The following SPARCL1 variants were observed in gnomAD, a reference collection of about 807,000 sequenced individuals.
The protein encoded by SPARCL1 is SPARC-like protein 1.
In SPARCL1, 52 loss-of-function variants were observed where a neutral mutation model predicts 67.1. That is an observed-to-expected ratio of 0.78 (90% confidence interval 0.62 to 0.98). The LOEUF is 0.98. Ranked by LOEUF, SPARCL1 falls within the 50% of genes least tolerant of loss-of-function variation. SPARCL1 has a pLI of 0.00. For missense variants in SPARCL1, 717 were observed against 782.4 expected (o/e 0.92, Z 1.00); for synonymous variants, 226 against 267.8 (o/e 0.84, Z 1.52).
intron 1 of SPARCL1, among the ~76,000 whole-genome samples, chr4:87,516,844 G>A (rs1725602045): frequency 6.6e-6 from 1 of 152,132 alleles, no homozygotes; most frequent in African/African-American, 2.4e-5. Context: ...TTGTGCAATA[G>A]CCACCTTTCA....
Position 87,494,186 on chromosome 4 carries a change from T to G in SPARCL1, c.614A>C (p.Glu205Ala), listed in dbSNP as rs1271299988. The G allele has an allele frequency of 1.9e-6, 3 of 1,614,064 alleles. No homozygotes were observed. The highest frequency in any genetic ancestry group is 2.5e-6 in the Non-Finnish European group (3 of 1,180,038). ...PNISNGEEEE[E>A]KEPGEVGTHN... ...GGTACCAACTTCACCTGGCTCTTTT[T>G]CTTCTTCCTCTTCTCCATTGGAAAT... The change falls in exon 4 of 11, where the codon GAA becomes GCA. Residue 205 changes from glutamate to alanine, a missense_variant. Coordinates refer to ENST00000282470, the MANE Select transcript of SPARCL1 (RefSeq NM_004684.6).
chr4:87,482,543 C>T lies in SPARCL1; in HGVS notation c.1549G>A (p.Asp517Asn). ...GACKSIPTCT[D>N]FEVIQFPLRM... ...AGAGGAAACTGAATCACTTCAAAGT[C>T]CGTACAAGTAGGAATAGCTGTTACA... The change falls in exon 8 of 11, where the codon GAC (aspartate) becomes AAC (asparagine). Residue 517 changes from aspartate (D) to asparagine (N), a missense_variant. Asp to Asn is a conservative substitution (Grantham distance 23). Transcript: ENST00000282470. 1 of 1,613,948 alleles carries T rather than the reference C, an allele frequency of 6.2e-7. No individual in the cohort carries two copies. Among genetic ancestry groups the T allele is most frequent in the Non-Finnish European group, 8.5e-7 (1 of 1,179,902 alleles).
At chr4:87,499,118 C>T (rs574440582) in intron 2 of SPARCL1, among the ~76,000 whole-genome samples, 3 of 152,214 alleles carry the variant, frequency 2.0e-5, no homozygotes, top group African/African-American at 2.4e-5. Context: ...TCAGGTGATC[C>T]GCCCATCTCA....
Position 87,493,688 on chromosome 4 carries a change from G to A in SPARCL1, c.1112C>T (p.Ala371Val). Residue 371 changes from alanine to valine, a missense_variant, in exon 4 of 11, where the codon GCC (alanine) becomes GTC (valine). Coordinates refer to ENST00000282470, the MANE Select transcript of SPARCL1 (RefSeq NM_004684.6). ...ATAGGCAATGGATTGAGCTCTCTCGGCCTCCAGAAAGGCCTGGCTTGGGAT... is the reference window on the plus strand; with the variant it reads ...ATAGGCAATGGATTGAGCTCTCTCGACCTCCAGAAAGGCCTGGCTTGGGAT... ...YFIPSQAFLE[A>V]ERAQSIAYHL... 3.7e-6 allele frequency: 6 copies of A among 1,614,046 alleles called. No homozygotes were observed. Among genetic ancestry groups the A allele is most frequent in the Non-Finnish European group, 3.4e-6 (4 of 1,180,022 alleles).
chr4:87,493,513 G>A, intron 4 of SPARCL1, 69 bp downstream of exon 4: 1 of 1,406,610 alleles, frequency 7.1e-7, no homozygotes, highest in Non-Finnish European at 9.7e-7. Context: ...TGAGAGCACA[G>A]AGAAAGGTCA....
intron 1 of SPARCL1, among the ~76,000 whole-genome samples, chr4:87,516,892 A>T (rs1364599020): frequency 1.3e-5 from 2 of 152,106 alleles, no homozygotes; most frequent in African/African-American, 4.8e-5. Context: ...TTCTCGTCTT[A>T]TCATACCACT....
At chr4:87,518,012 T>G (rs527816361) in intron 1 of SPARCL1, among the ~76,000 whole-genome samples, 1 of 152,336 alleles carries the variant, frequency 6.6e-6, no homozygotes, top group African/African-American at 2.4e-5. Context: ...GCTTCTCATG[T>G]ACCTTGGTGA....
Position 87,491,620 on chromosome 4 carries a change from A to G in SPARCL1, c.1289T>C (p.Val430Ala). 1.2e-6 allele frequency: 2 copies of G among 1,609,276 alleles called. No individual in the cohort carries two copies. The highest frequency in any genetic ancestry group is 8.5e-7 in the Non-Finnish European group (1 of 1,175,736). Residue 430 changes from valine (V) to alanine (A), a missense_variant and splice_region_variant, in exon 5 of 11, where the codon GTG (valine) becomes GCG (alanine). Val to Ala is a moderately conservative substitution (Grantham distance 64). Transcript: ENST00000282470. ...CAGCTTGCTTCATGCATACTCACCCACAGCATGCACCCTCATGTTGCCTTC... is the reference window on the plus strand; with the variant it reads ...CAGCTTGCTTCATGCATACTCACCCGCAGCATGCACCCTCATGTTGCCTTC... ...SSEGNMRVHA[V>A]DSCMSFQCKR...
intron 7 of SPARCL1, among the ~76,000 whole-genome samples, chr4:87,488,322 G>A (rs1175513916): frequency 2.0e-5 from 3 of 152,078 alleles, no homozygotes; most frequent in Non-Finnish European, 4.4e-5. Flanking sequence ...ATTCCTTTCT[G>A]TTCATTAGTT....
At chr4:87,482,671 T>G (rs6857504) in intron 7 of SPARCL1, 111 bp from the exon 8 acceptor site, 469,657 of 1,150,186 alleles carry the variant, frequency 0.41, 105,081 homozygotes, top group African/African-American at 0.81. Flanking sequence ...CTTTCTCAGG[T>G]CCCCATTATT....
intron 10 of SPARCL1, among the ~76,000 whole-genome samples, chr4:87,477,925 T>C (rs1331085211): frequency 6.6e-6 from 1 of 152,228 alleles, no homozygotes; most frequent in Admixed American, 6.5e-5. Flanking sequence ...CACAGAATGT[T>C]TATTTCACAG....
chr4:87,489,285 G>A (rs1724207004), intron 7 of SPARCL1, among the ~76,000 whole-genome samples: 1 of 152,146 alleles, frequency 6.6e-6, no homozygotes, highest in Non-Finnish European at 1.5e-5. Context: ...TAGTATCTGG[G>A]CCAGAATGCA....
At chr4:87,527,048 A>G (rs1726072917) in intron 1 of SPARCL1, among the ~76,000 whole-genome samples, 1 of 152,218 alleles carries the variant, frequency 6.6e-6, no homozygotes, top group Non-Finnish European at 1.5e-5. Flanking sequence ...GGTCAGATAT[A>G]AACCACAGGT....
intron 5 of SPARCL1, 42 bp from the exon 6 acceptor site, chr4:87,490,920 T>C (rs1451107388): frequency 7.0e-6 from 8 of 1,140,778 alleles, no homozygotes; most frequent in Admixed American, 2.2e-5. Flanking sequence ...CAAAGTTAAA[T>C]TGAGTATGTA....
chr4:87,499,934 G>A (rs928967165), intron 1 of SPARCL1, among the ~76,000 whole-genome samples: 8 of 152,034 alleles, frequency 5.3e-5, no homozygotes, highest in African/African-American at 1.7e-4. Flanking sequence ...GTAAAAACAC[G>A]CTGCCTGTTT....
chr4:87,496,346 C>T (rs1247400928), intron 2 of SPARCL1, among the ~76,000 whole-genome samples: 2 of 152,092 alleles, frequency 1.3e-5, no homozygotes, highest in Admixed American at 6.5e-5. Flanking sequence ...CTTCAGCCTC[C>T]CCAGTAACTG....
At chr4:87,483,662 ACT>A (rs1285610213) in intron 7 of SPARCL1, among the ~76,000 whole-genome samples, 1 of 152,214 alleles carries the variant, frequency 6.6e-6, no homozygotes, top group African/African-American at 2.4e-5. Context: ...GAATTGCCAC[ACT>A]GTCTTCCACA....
At chr4:87,513,713 C>T (rs1268224176) in intron 1 of SPARCL1, among the ~76,000 whole-genome samples, 1 of 152,076 alleles carries the variant, frequency 6.6e-6, no homozygotes, top group East Asian at 1.9e-4. Context: ...GGAAAAGAAC[C>T]TTAGTGTTTC....
chr4:87,498,088 A>G (rs1724695626), intron 2 of SPARCL1, among the ~76,000 whole-genome samples: 1 of 152,214 alleles, frequency 6.6e-6, no homozygotes, highest in East Asian at 1.9e-4. Flanking sequence ...TTATTTACAT[A>G]ACAGCAACAG....
Sources: allele counts gnomAD v4.1 joint callset (sites outside exome capture counted in the v4.1 genomes callset), GRCh38; gene constraint gnomAD v4.1.1; transcripts MANE v1.5; gene names NCBI Gene and HGNC (gene_info 2026-07-23, HGNC 2026-07-21).